Variants in LOXHD1 observed in about 807,000 individuals in gnomAD.
The protein encoded by LOXHD1 is lipoxygenase homology PLAT domains 1.
In LOXHD1, 205 loss-of-function variants were observed where a neutral mutation model predicts 248.2. The observed-to-expected ratio is 0.83, with a 90% CI of 0.74 to 0.93. LOXHD1 has a LOEUF of 0.93. Ranked by LOEUF, LOXHD1 falls within the 40% of genes least tolerant of loss-of-function variation. The pLI is 0.00. For missense variants in LOXHD1, 2,930 were observed against 2,971.6 expected, an observed-to-expected ratio of 0.99 and a Z score of 0.33; for synonymous variants, 1,113 against 1,162.8, an observed-to-expected ratio of 0.96 and a Z score of 0.87.
At chr18:46,544,072 T>G (rs2036687678) in intron 23 of LOXHD1, among the ~76,000 whole-genome samples, 1 of 152,216 alleles carries the variant, frequency 6.6e-6, no homozygotes. Context: ...TGCACTGCAT[T>G]GCCTTTAAGT....
intron 4 of LOXHD1, among the ~76,000 whole-genome samples, chr18:46,623,943 G>C (rs900749596): frequency 2.6e-5 from 4 of 152,250 alleles, no homozygotes; most frequent in Non-Finnish European, 5.9e-5. Context: ...CAGAAGTCAA[G>C]CATATGCCCC....
Position 46,546,228 on chromosome 18 carries a change from T to C in LOXHD1, c.3514+667A>G, listed in dbSNP as rs532582595. 2.6e-5 allele frequency among the ~76,000 whole-genome samples: 4 copies of C among 151,900 alleles called. No homozygotes were observed. In the South Asian group the frequency reaches 8.3e-4, roughly 32 times the overall value. On this transcript the variant is annotated intron_variant, in intron 22 of 40. Transcript: ENST00000642948. ...TTTCCCTTGACAAAAATGCATTGAG[T>C]GCCTATAGGGGAGGGCACAAGACTG...
Position 46,577,881 on chromosome 18 carries a change from A to T in LOXHD1, c.1810-14T>A, listed in dbSNP as rs932627194. 13 of 1,551,244 alleles carry T rather than the reference A, an allele frequency of 8.4e-6. No homozygotes were observed. The highest frequency in any genetic ancestry group is 5.5e-5 in the African/African-American group (4 of 72,982). On this transcript the variant is annotated splice_polypyrimidine_tract_variant and intron_variant, in intron 13 of 40. Coordinates refer to ENST00000642948, the MANE Select transcript of LOXHD1 (RefSeq NM_001384474.1). ...GAACTCGTCAGCCTTGTGGGGGGAA[A>T]CCACAAGGCCAGTTAGACAGTGGCT... is the stretch of plus-strand genomic sequence containing the variant.
intron 35 of LOXHD1, among the ~76,000 whole-genome samples, 192 bp from the exon 36 acceptor site, chr18:46,507,904 A>G (rs898911388): frequency 6.6e-6 from 1 of 152,168 alleles, no homozygotes; most frequent in African/African-American, 2.4e-5. Flanking sequence ...TGTGCCTGGC[A>G]TGGGATTTGA....
intron 1 of LOXHD1, among the ~76,000 whole-genome samples, chr18:46,654,398 T>C (rs1203653480): frequency 6.6e-6 from 1 of 152,190 alleles, no homozygotes; most frequent in African/African-American, 2.4e-5. Flanking sequence ...GGAGAGGAGA[T>C]GCCTCCGGGG....
chr18:46,656,706 G>A (rs1398145075), intron 1 of LOXHD1, among the ~76,000 whole-genome samples, 198 bp downstream of exon 1: 2 of 152,188 alleles, frequency 1.3e-5, no homozygotes, highest in Non-Finnish European at 2.9e-5. Context: ...TGCTCCACCT[G>A]TCTGTACAAC....
At chr18:46,562,079 G>T (rs1194838059) in intron 18 of LOXHD1, among the ~76,000 whole-genome samples, 1 of 152,226 alleles carries the variant, frequency 6.6e-6, no homozygotes, top group African/African-American at 2.4e-5. Flanking sequence ...TGTGAAGCCA[G>T]CCGGGCAGGT....
chr18:46,579,214 G>A lies in LOXHD1; in HGVS notation c.1809+416C>T, dbSNP rs964230096. Among the ~76,000 whole-genome samples the A allele has an allele frequency of 1.4e-4, 22 of 152,286 alleles. No homozygotes were observed. The East Asian group carries it at 2.7e-3, about 19-fold the overall frequency. ...CCAGGTCCTCTAGTCCACAGTGCCCGGCATCTTTCCCTCTCCGCCCACCCC... is the reference window on the plus strand; with the variant it reads ...CCAGGTCCTCTAGTCCACAGTGCCCAGCATCTTTCCCTCTCCGCCCACCCC... On this transcript the variant is annotated intron_variant, in intron 13 of 40. Transcript: ENST00000642948.
At chr18:46,612,711 G>A (rs1470878200) in intron 5 of LOXHD1, among the ~76,000 whole-genome samples, 1 of 152,064 alleles carries the variant, frequency 6.6e-6, no homozygotes, top group East Asian at 1.9e-4. Context: ...CTCCTTTAGA[G>A]TTTCTTCTAA....
intron 2 of LOXHD1, 62 bp downstream of exon 2, chr18:46,649,093 C>A (rs2144399342): frequency 7.1e-7 from 1 of 1,403,792 alleles, no homozygotes; most frequent in Non-Finnish European, 9.9e-7. Context: ...ACCCTTGGGT[C>A]CCAGAACCTA....
intron 18 of LOXHD1, among the ~76,000 whole-genome samples, chr18:46,562,277 G>A (rs143001713): frequency 1.1e-4 from 16 of 152,308 alleles, no homozygotes; most frequent in African/African-American, 3.4e-4. Context: ...CCTGGGCACC[G>A]GGTAAGGACT....
intron 19 of LOXHD1, 35 bp downstream of exon 19, chr18:46,560,048 T>TGCCTGGCCCCCC: frequency 5.7e-6 from 7 of 1,226,298 alleles, no homozygotes; most frequent in Non-Finnish European, 7.9e-6. Flanking sequence ...GTCTGGCCAC[T>TGCCTGGCCCCCC]CCCTCCCCAC....
chr18:46,533,558 A>T (rs376138702), intron 27 of LOXHD1: 1 of 508,468 alleles, frequency 2.0e-6, no homozygotes, highest in Admixed American at 3.3e-5. Context: ...TCACTTAAAA[A>T]TAGGTATCTG....
intron 22 of LOXHD1, among the ~76,000 whole-genome samples, chr18:46,546,156 A>G (rs1325375897): frequency 1.3e-5 from 2 of 151,874 alleles, no homozygotes; most frequent in African/African-American, 4.8e-5. Flanking sequence ...TTAGGGATGC[A>G]TATTTCAGGG....
At chr18:46,480,312 A>T (rs544722345) in intron 40 of LOXHD1, among the ~76,000 whole-genome samples, 9 of 152,076 alleles carry the variant, frequency 5.9e-5, no homozygotes, top group Admixed American at 2.6e-4. Flanking sequence ...TAGCCTGCCA[A>T]ATTTCCCTCC....
chr18:46,645,681 A>G (rs763902636), intron 2 of LOXHD1, among the ~76,000 whole-genome samples: 3 of 152,186 alleles, frequency 2.0e-5, no homozygotes, highest in Admixed American at 6.5e-5. Flanking sequence ...TCCACTGAGT[A>G]CCAAGGAATG....
chr18:46,521,650 C>T (rs2035583509), intron 32 of LOXHD1, among the ~76,000 whole-genome samples: 1 of 152,068 alleles, frequency 6.6e-6, no homozygotes, highest in Non-Finnish European at 1.5e-5. Flanking sequence ...GTCCTACACC[C>T]CCAAGAAAAT....
chr18:46,553,036 C>T (rs1229461151), intron 21 of LOXHD1, among the ~76,000 whole-genome samples: 1 of 152,218 alleles, frequency 6.6e-6, no homozygotes, highest in Non-Finnish European at 1.5e-5. Context: ...CCACCCATGA[C>T]TCCCTCCTCT....
intron 6 of LOXHD1, among the ~76,000 whole-genome samples, chr18:46,609,458 C>T (rs1055016046): frequency 2.0e-5 from 3 of 152,222 alleles, no homozygotes; most frequent in Non-Finnish European, 1.5e-5. Flanking sequence ...CAGACAGCCT[C>T]ATTCTTTACA....
Sources: gnomAD v4.1 joint callset for allele counts (sites outside exome capture counted in the v4.1 genomes callset) on GRCh38, gnomAD v4.1.1 for gene constraint, MANE v1.5 for transcripts, NCBI Gene and HGNC (gene_info 2026-07-23, HGNC 2026-07-21) for gene names.